Variants in GYPC observed in about 807,000 individuals in gnomAD.
The protein encoded by GYPC is glycophorin-C.
A neutral mutation model predicts 12.6 loss-of-function variants in GYPC; 14 were observed. The ratio of observed to expected loss-of-function variants is 1.11; its 90% CI spans 0.74 to 1.74. The LOEUF is 1.74. Among genes scored for constraint, GYPC ranks in the 40% most tolerant of loss-of-function variants. The probability of loss-of-function intolerance (pLI) is 0.00; values close to 1 mark genes in which losing one functional copy is unlikely to be tolerated. For synonymous variants in GYPC, 78 were observed against 62.1 expected (o/e 1.26, Z -1.20); for missense variants, 225 against 172.1 (o/e 1.31, Z -1.72).
intron 1 of GYPC, among the ~76,000 whole-genome samples, chr2:126,670,968 T>C (rs1356262613): frequency 6.6e-6 from 1 of 152,128 alleles, no homozygotes; most frequent in Admixed American, 6.5e-5. Flanking sequence ...CTTTATAGAC[T>C]CCTGACTTTA....
Position 126,690,242 on chromosome 2 carries a change from C to G in GYPC, c.50-13C>G, listed in dbSNP as rs564013003. The G allele has an allele frequency of 5.6e-6, 9 of 1,605,182 alleles. No individual in the cohort carries two copies. The South Asian group carries it at 9.9e-5, about 18-fold the overall frequency. On this transcript the variant is annotated splice_polypyrimidine_tract_variant and intron_variant, in intron 1 of 3. Coordinates refer to ENST00000259254, the MANE Select transcript of GYPC (RefSeq NM_002101.5). ...TTCCTCTCTGACCTCAGATTCTTGT[C>G]CTCTGTTCACAGAGCCTGATCCGGG...
Position 126,684,105 on chromosome 2 carries a change from C to T in GYPC, c.50-6150C>T, listed in dbSNP as rs145462903. Among the ~76,000 whole-genome samples the T allele has an allele frequency of 4.2e-3, 637 of 152,294 alleles. 2 individuals carry two copies. The highest frequency in any genetic ancestry group is 5.4e-3 in the Non-Finnish European group (365 of 68,018). Reference sequence around the variant, plus strand: ...CATCTTATAGAGTGTCAAAGCAGTACAGCTAAATTGCACAGCACCTTGGCA... The same window carrying T: ...CATCTTATAGAGTGTCAAAGCAGTATAGCTAAATTGCACAGCACCTTGGCA... On this transcript the variant is annotated intron_variant, in intron 1 of 3. Transcript: ENST00000259254.
chr2:126,690,700 G>A (rs423576), intron 2 of GYPC, among the ~76,000 whole-genome samples: 1,963 of 152,120 alleles, frequency 0.013, 43 homozygotes, highest in African/African-American at 0.044. Context: ...CTTCTCCACC[G>A]TCTCCCTCAT....
At chr2:126,689,209 G>A (rs1404402100) in intron 1 of GYPC, among the ~76,000 whole-genome samples, 1 of 152,060 alleles carries the variant, frequency 6.6e-6, no homozygotes, top group Non-Finnish European at 1.5e-5. Context: ...AGGAGCCCTG[G>A]GAAGGGCTTC....
chr2:126,656,361 G>T (rs755485656), intron 1 of GYPC, 49 bp downstream of exon 1: 6 of 1,500,168 alleles, frequency 4.0e-6, no homozygotes, highest in Middle Eastern at 2.3e-4. Context: ...TGGAGGCCGC[G>T]GCCCGCAGCA....
chr2:126,669,934 T>C (rs1216200151), intron 1 of GYPC, among the ~76,000 whole-genome samples: 2 of 152,158 alleles, frequency 1.3e-5, no homozygotes, highest in African/African-American at 4.8e-5. Context: ...GGCACAATTA[T>C]CTGAGTTTCT....
intron 3 of GYPC, among the ~76,000 whole-genome samples, chr2:126,695,569 G>T (rs77400360): frequency 6.6e-6 from 1 of 152,048 alleles, no homozygotes; most frequent in African/African-American, 2.4e-5. Flanking sequence ...CAGTAGAAAC[G>T]GTACTTTGAA....
rs1286046057 is a variant in GYPC, at chr2:126,690,787, G to A, written c.106+476G>A. 3.3e-5 allele frequency among the ~76,000 whole-genome samples: 5 copies of A among 152,202 alleles called. No homozygotes were observed. In the South Asian group the frequency reaches 6.2e-4, roughly 19 times the overall value. On this transcript the variant is annotated intron_variant, in intron 2 of 3. Transcript: ENST00000259254. ...GGAAACTTGAGCCTGCCTTTGCCTT[G>A]CTTTGAACCCTGAGCAACGGGCTCC...
chr2:126,663,315 C>T (rs1682588551), intron 1 of GYPC, among the ~76,000 whole-genome samples: 1 of 152,202 alleles, frequency 6.6e-6, no homozygotes, highest in African/African-American at 2.4e-5. Flanking sequence ...GGATTATAGG[C>T]ATGAGCCACC....
chr2:126,657,715 C>G (rs1214836308), intron 1 of GYPC: 1 of 152,286 alleles, frequency 6.6e-6, no homozygotes, highest in Non-Finnish European at 1.5e-5. Flanking sequence ...TGCCTGACCC[C>G]CGCCCCCGTG....
intron 1 of GYPC, chr2:126,657,825 A>T (rs1391366029): frequency 6.6e-6 from 1 of 152,298 alleles, no homozygotes; most frequent in Non-Finnish European, 1.5e-5. Flanking sequence ...CCTTGCTTGC[A>T]AGCCATTCCA....
At chr2:126,691,164 A>G (rs1168362881) in intron 2 of GYPC, among the ~76,000 whole-genome samples, 42 of 152,204 alleles carry the variant, frequency 2.8e-4, no homozygotes, top group Non-Finnish European at 5.7e-4. Context: ...GACTTTCCAT[A>G]TTCTTCAGCA....
chr2:126,672,648 A>G (rs1474290154), intron 1 of GYPC, among the ~76,000 whole-genome samples: 1 of 152,158 alleles, frequency 6.6e-6, no homozygotes, highest in African/African-American at 2.4e-5. Context: ...CCCTGGAGGC[A>G]TCAGCCTCAG....
chr2:126,662,190 A>G (rs928256407), intron 1 of GYPC, among the ~76,000 whole-genome samples: 1 of 152,108 alleles, frequency 6.6e-6, no homozygotes, highest in South Asian at 2.1e-4. Flanking sequence ...AAAGGGGGGA[A>G]ATTATGGGTT....
intron 3 of GYPC, among the ~76,000 whole-genome samples, chr2:126,695,232 T>C (rs1683607595): frequency 6.6e-6 from 1 of 152,204 alleles, no homozygotes; most frequent in Non-Finnish European, 1.5e-5. Context: ...CTGCCCTGTT[T>C]TCTGGGACTT....
chr2:126,681,934 C>G (rs556112639), intron 1 of GYPC, among the ~76,000 whole-genome samples: 8 of 152,256 alleles, frequency 5.3e-5, no homozygotes, highest in Non-Finnish European at 1.2e-4. Flanking sequence ...CACAGCAGGG[C>G]GGCCAGATGC....
rs1296807836 is a variant in GYPC, at chr2:126,695,978, T to C, written c.223T>C (p.Ser75Pro). 6.2e-7 allele frequency: 1 copy of C among 1,614,034 alleles called. No homozygotes were observed. The highest frequency in any genetic ancestry group is 8.5e-7 in the Non-Finnish European group (1 of 1,179,990). Reference sequence around the variant, plus strand: ...TGCTGCTGTGGCCATCGTCCTAGTCTCCCTCCTCTTCGTCATGCTGCGCTA... The same window carrying C: ...TGCTGCTGTGGCCATCGTCCTAGTCCCCCTCCTCTTCGTCATGCTGCGCTA... ...VIAAVAIVLVSLLFVMLRYMY... is the reference protein window; with the variant it reads ...VIAAVAIVLVPLLFVMLRYMY... Residue 75 changes from serine (S) to proline (P), a missense_variant, in exon 4 of 4, where the codon TCC becomes CCC. Physicochemically the swap from Ser to Pro is moderately conservative, Grantham distance 74 (BLOSUM62 -1). Transcript: ENST00000259254.
intron 1 of GYPC, among the ~76,000 whole-genome samples, chr2:126,688,860 A>G (rs1683366860): frequency 6.6e-6 from 1 of 152,120 alleles, no homozygotes; most frequent in African/African-American, 2.4e-5. Flanking sequence ...AATTAAAGTG[A>G]TCATCTGAGT....
rs1683632315 is a variant in GYPC, at chr2:126,696,005, A to G, written c.250A>G (p.Met84Val). 11 of 1,614,002 alleles carry G rather than the reference A, an allele frequency of 6.8e-6. No individual in the cohort carries two copies. Among genetic ancestry groups the G allele is most frequent in the Admixed American group, 1.7e-5 (1 of 60,006 alleles). The change falls in exon 4 of 4, where the codon ATG becomes GTG. Residue 84 changes from methionine to valine, a missense_variant. Physicochemically the swap from Met to Val is conservative, Grantham distance 21. Transcript: ENST00000259254. ...CCTCCTCTTCGTCATGCTGCGCTAC[A>G]TGTACCGGCACAAGGGCACGTACCA... ...VSLLFVMLRY[M>V]YRHKGTYHTN...
Sources: allele counts gnomAD v4.1 joint callset (sites outside exome capture counted in the v4.1 genomes callset), GRCh38; gene constraint gnomAD v4.1.1; transcripts MANE v1.5; gene names NCBI Gene and HGNC (gene_info 2026-07-23, HGNC 2026-07-21).